The following FHAD1 variants were observed in gnomAD, a reference collection of about 807,000 sequenced individuals.
FHAD1 encodes forkhead associated phosphopeptide binding domain 1.
FHAD1 carries 146 observed loss-of-function variants against 191.3 expected under a neutral mutation model. The observed-to-expected ratio is 0.76, with a 90% CI of 0.67 to 0.88. FHAD1 has a LOEUF of 0.88. Among genes scored for constraint, FHAD1 ranks in the 40% least tolerant of loss-of-function variants. The pLI is 0.00. For synonymous variants in FHAD1, 616 were observed against 672.3 expected (o/e 0.92, Z 1.29); for missense variants, 1,635 against 1,785.8 (o/e 0.92, Z 1.52).
chr1:15,321,781 G>GTGCA (rs1676363738), intron 10 of FHAD1, among the ~76,000 whole-genome samples: 1 of 152,192 alleles, frequency 6.6e-6, no homozygotes, highest in Non-Finnish European at 1.5e-5. Context: ...ATGTGTGATT[G>GTGCA]TGCATGTTTG....
chr1:15,369,369 G>A lies in FHAD1; in HGVS notation c.3315-1G>A. On this transcript the variant is annotated splice_acceptor_variant, in intron 25 of 33. Transcript: ENST00000688493. LOFTEE classifies it high-confidence loss of function. ...TGCCATCCTCCTCTTCTCTACCCTAGGGCTTCCCAAGAGAAACACAGACTC... is the reference window on the plus strand; with the variant it reads ...TGCCATCCTCCTCTTCTCTACCCTAAGGCTTCCCAAGAGAAACACAGACTC... The A allele has an allele frequency of 6.4e-7, 1 of 1,551,962 alleles. No individual in the cohort carries two copies. The highest frequency in any genetic ancestry group is 8.7e-7 in the Non-Finnish European group (1 of 1,147,046).
intron 32 of FHAD1, among the ~76,000 whole-genome samples, chr1:15,389,109 G>C (rs963449452): frequency 6.6e-6 from 1 of 152,158 alleles, no homozygotes; most frequent in Non-Finnish European, 1.5e-5. Flanking sequence ...CTCACATCTT[G>C]TTTCCACCAG....
intron 28 of FHAD1, among the ~76,000 whole-genome samples, chr1:15,379,484 AGGAGACAG>A (rs1432252111): frequency 6.6e-6 from 1 of 152,170 alleles, no homozygotes; most frequent in Non-Finnish European, 1.5e-5. Flanking sequence ...AGGGACGGGC[AGGAGACAG>A]ATGCCTTCCT....
At chr1:15,278,637 CTAATTTTTG>C (rs1659386230) in intron 3 of FHAD1, among the ~76,000 whole-genome samples, 1 of 152,056 alleles carries the variant, frequency 6.6e-6, no homozygotes, top group South Asian at 2.1e-4. Flanking sequence ...CCATGCCCAG[CTAATTTTTG>C]TATTTTTAGT....
At chr1:15,295,572 C>T (rs961318824) in intron 4 of FHAD1, among the ~76,000 whole-genome samples, 9 of 152,184 alleles carry the variant, frequency 5.9e-5, no homozygotes, top group African/African-American at 2.2e-4. Flanking sequence ...CATGCTACTG[C>T]ACTCTAGCCT....
chr1:15,339,235 A>G (rs899119099), intron 14 of FHAD1, among the ~76,000 whole-genome samples: 1 of 152,082 alleles, frequency 6.6e-6, no homozygotes, highest in Non-Finnish European at 1.5e-5. Flanking sequence ...CAGCCAGGCT[A>G]GTCTCGAGCT....
At chr1:15,365,234 G>T (rs890897522) in intron 23 of FHAD1, among the ~76,000 whole-genome samples, 1 of 152,192 alleles carries the variant, frequency 6.6e-6, no homozygotes, top group African/African-American at 2.4e-5. Context: ...ATCCATTCAT[G>T]ATGGTGGGTA....
chr1:15,330,977 G>A (rs75355438), intron 14 of FHAD1, among the ~76,000 whole-genome samples: 172 of 152,264 alleles, frequency 1.1e-3, no homozygotes, highest in African/African-American at 4.0e-3. Flanking sequence ...CCCTAGGGCA[G>A]GGTGGGGATG....
rs368807994 is a variant in FHAD1, at chr1:15,328,414, G to T, written c.1695G>T (p.Ser565=). The part of the protein sequence containing the change: ...TTENIEKLRT[S]LDSCQACMKI... ...AGAACATCGAGAAGCTGAGGACGTC[G>T]CTGGACAGCTGCCAGGTGGCCCCTC... The change falls in exon 13 of 34, where the codon TCG becomes TCT. Residue 565 remains serine, a synonymous_variant. Transcript: ENST00000688493. The T allele has an allele frequency of 2.6e-6, 4 of 1,522,684 alleles. No individual in the cohort carries two copies. Among genetic ancestry groups the T allele is most frequent in the East Asian group, 2.5e-5 (1 of 39,932 alleles). 94.3% of individuals were successfully genotyped at this position (1,522,684 alleles called of 1,614,324 possible).
chr1:15,342,742 C>G (rs1687254229), intron 16 of FHAD1, among the ~76,000 whole-genome samples: 1 of 152,156 alleles, frequency 6.6e-6, no homozygotes, highest in Admixed American at 6.5e-5. Context: ...TCACCACAGC[C>G]TCGAACTCCC....
chr1:15,246,777 A>G (rs1284649163), upstream of FHAD1, among the ~76,000 whole-genome samples: 1 of 151,926 alleles, frequency 6.6e-6, no homozygotes, highest in Non-Finnish European at 1.5e-5. Flanking sequence ...ATTCCACCCC[A>G]TCCCTTTCCC....
At position 15,365,953 on chromosome 1, in the gene FHAD1, T is replaced by C. The variant is rs531308659; in HGVS notation, c.3154+20T>C. 3.0e-5 allele frequency: 44 copies of C among 1,477,612 alleles called. No homozygotes were observed. The African/African-American group carries it at 6.0e-4, about 20-fold the overall frequency. 91.5% of individuals were successfully genotyped at this position (1,477,612 alleles called of 1,614,324 possible). A position where few individuals can be genotyped will look rare whatever the true frequency, so the allele number is the denominator to read the frequency against. ...TGAGAGGTTTGAACAATTTCTGGTG[T>C]CTCTTGACCTCCTGACCCACTCGAG... On this transcript the variant is annotated intron_variant, in intron 24 of 33. Coordinates refer to ENST00000688493, the MANE Select transcript of FHAD1 (RefSeq NM_001391957.1).
In FHAD1 at chr1:15,293,812, G is replaced by A. The variant is rs150025614; in HGVS notation, c.569-2872G>A. 2.0e-3 allele frequency among the ~76,000 whole-genome samples: 312 copies of A among 152,258 alleles called. 3 individuals are homozygous for A. The highest frequency in any genetic ancestry group is 2.7e-3 in the East Asian group (14 of 5,184). Reference sequence around the variant, plus strand: ...GTATCACAGATTTCTTTATCCATTCGTCCATTGGTAGACACAGATGCTGTT... The same window carrying A: ...GTATCACAGATTTCTTTATCCATTCATCCATTGGTAGACACAGATGCTGTT... On this transcript the variant is annotated intron_variant, in intron 4 of 33. Coordinates refer to ENST00000688493, the MANE Select transcript of FHAD1 (RefSeq NM_001391957.1).
At position 15,289,566 on chromosome 1, in the gene FHAD1, C is replaced by T. The variant is rs754525732; in HGVS notation, c.468C>T (p.Thr156=). The part of the protein sequence containing the change: ...RSWSQAFPRP[T]VVLPASHRRP... ...GGTCCCAGGCCTTTCCCAGACCCAC[C>T]GTGGTCCTGCCGGCCTCCCACAGGC... The change falls in exon 4 of 34, where the codon ACC becomes ACT. Residue 156 remains threonine (T), a synonymous_variant. Transcript: ENST00000688493. The surrounding 1 kb of genome is among the most constrained non-coding windows in gnomAD (Gnocchi z 4.2). 23 of 1,551,788 alleles carry T rather than the reference C, an allele frequency of 1.5e-5. No homozygotes were observed. In the South Asian group the frequency reaches 2.0e-4, roughly 14 times the overall value.
intron 2 of FHAD1, among the ~76,000 whole-genome samples, chr1:15,262,106 T>C (rs1362169978): frequency 1.3e-5 from 2 of 152,156 alleles, no homozygotes; most frequent in Non-Finnish European, 2.9e-5. Flanking sequence ...TTGTCAGTCC[T>C]TTGAGGTAGA....
At chr1:15,345,046 T>C (rs1267141956) in intron 16 of FHAD1, 37 bp from the exon 17 acceptor site, 2 of 1,504,868 alleles carry the variant, frequency 1.3e-6, no homozygotes, top group Non-Finnish European at 1.8e-6. Context: ...CCTGCCATGG[T>C]AACCATGTCT....
At position 15,298,032 on chromosome 1, in the gene FHAD1, C is replaced by T. The variant is rs11587939; in HGVS notation, c.678+1239C>T. Among the ~76,000 whole-genome samples, 1,246 of 152,266 alleles carry T rather than the reference C, an allele frequency of 8.2e-3. 22 individuals carry two copies. Among genetic ancestry groups the T allele is most frequent in the African/African-American group, 0.028 (1,176 of 41,532 alleles). On this transcript the variant is annotated intron_variant, in intron 5 of 33. Transcript: ENST00000688493. ...ATCCGGCAATCCCACCACTGGGTATCTACCCAGAGGAAAAACAGTCATTAT... is the reference window on the plus strand; with the variant it reads ...ATCCGGCAATCCCACCACTGGGTATTTACCCAGAGGAAAAACAGTCATTAT...
In FHAD1 at chr1:15,374,592, C is replaced by A. The variant is rs369142345; in HGVS notation, c.3538C>A (p.Arg1180=). 8 of 1,551,562 alleles carry A rather than the reference C, an allele frequency of 5.2e-6. No individual in the cohort carries two copies. In the African/African-American group the frequency reaches 6.8e-5, roughly 13 times the overall value. ...QRQKKALSEL[R]ARIKELEKAR... ...TCAGAAAAAGGCCTTATCTGAACTT[C>A]GAGCGCGAATTAAAGAACTCGAGAA... is the stretch of plus-strand genomic sequence containing the variant. The change falls in exon 27 of 34, where the codon CGA becomes AGA. Residue 1180 remains arginine (R), a synonymous_variant. Coordinates refer to ENST00000688493, the MANE Select transcript of FHAD1 (RefSeq NM_001391957.1).
intron 24 of FHAD1, among the ~76,000 whole-genome samples, chr1:15,366,489 A>G (rs949285256): frequency 2.0e-5 from 3 of 152,122 alleles, no homozygotes; most frequent in African/African-American, 7.2e-5. Flanking sequence ...TCTGCACTGA[A>G]ATGCAACTTA....
Sources: gnomAD v4.1 joint callset for allele counts (sites outside exome capture counted in the v4.1 genomes callset) on GRCh38, gnomAD v4.1.1 for gene constraint, Gnocchi (gnomAD v3.1) non-coding constraint, MANE v1.5 for transcripts, NCBI Gene and HGNC (gene_info 2026-07-23, HGNC 2026-07-21) for gene names.